The following MBTD1 variants were observed in gnomAD, a reference collection of about 807,000 sequenced individuals.
MBTD1 encodes mbt domain containing 1, also known as MBT domain-containing protein 1.
In MBTD1, 24 loss-of-function variants were observed where a neutral mutation model predicts 87.8. That is an observed-to-expected ratio of 0.27 (90% CI 0.20 to 0.38). MBTD1 has a LOEUF of 0.38. Among genes scored for constraint, MBTD1 ranks in the 10% least tolerant of loss-of-function variants. The probability of loss-of-function intolerance (pLI) is 1.00; values close to 1 mark genes in which losing one functional copy is unlikely to be tolerated. For synonymous variants in MBTD1, 237 were observed against 248.6 expected (o/e 0.95, Z 0.44); for missense variants, 436 against 760.2 (o/e 0.57, Z 5.02).
intron 6 of MBTD1, among the ~76,000 whole-genome samples, chr17:51,214,133 T>TACACAC (rs1442661837): frequency 8.4e-6 from 1 of 119,532 alleles, no homozygotes; most frequent in East Asian, 2.8e-4. Context: ...TATATACACA[T>TACACAC]ACACATACAC....
At chr17:51,210,179 T>C (rs1400895364) in intron 6 of MBTD1, among the ~76,000 whole-genome samples, 1 of 151,980 alleles carries the variant, frequency 6.6e-6, no homozygotes, top group South Asian at 2.1e-4. Context: ...TTTTTGTATT[T>C]TTAGTTTTGC....
At chr17:51,212,808 G>A (rs1038077803) in intron 6 of MBTD1, among the ~76,000 whole-genome samples, 2 of 152,154 alleles carry the variant, frequency 1.3e-5, no homozygotes, top group Admixed American at 6.5e-5. Context: ...TTAGGCTAGA[G>A]TGCAGTGGCG....
At chr17:51,244,825 T>A (rs1046022502) in intron 2 of MBTD1, among the ~76,000 whole-genome samples, 29 of 152,190 alleles carry the variant, frequency 1.9e-4, no homozygotes, top group African/African-American at 7.0e-4. Context: ...AAATCAATAA[T>A]TTTTCCAAGG....
chr17:51,200,587 C>T (rs908509625), intron 12 of MBTD1, among the ~76,000 whole-genome samples: 5 of 138,550 alleles, frequency 3.6e-5, no homozygotes, highest in East Asian at 4.3e-4. Flanking sequence ...AAAAATGCCA[C>T]GTACGGTGGC....
rs185525503 is a variant in MBTD1 at position 51,198,965 on chromosome 17, G to C, written c.1224+2627C>G. 2.4e-4 allele frequency among the ~76,000 whole-genome samples: 37 copies of C among 152,156 alleles called. 1 individual carries two copies. In the East Asian group the frequency reaches 7.1e-3, roughly 29 times the overall value. On this transcript the variant is annotated intron_variant, in intron 12 of 16. Coordinates refer to ENST00000586178, the MANE Select transcript of MBTD1 (RefSeq NM_017643.3). The stretch of plus-strand genomic sequence containing the variant: ...TTATAGGTACACACCACCACACCTG[G>C]CTAATTTTTGTATGGAGATGGGGTT...
intron 16 of MBTD1, among the ~76,000 whole-genome samples, chr17:51,187,764 G>A (rs568168621): frequency 1.3e-5 from 2 of 151,430 alleles, no homozygotes; most frequent in South Asian, 2.1e-4. Flanking sequence ...CAGGAGAATC[G>A]CTTGAATCCG....
Position 51,194,390 on chromosome 17 carries a change from C to T in MBTD1, c.1372+824G>A, listed in dbSNP as rs540770523. Reference sequence around the variant, plus strand: ...TTCGTGATGAGCCTGGCCTACATGGCGAAACCCTGTCTCTACTAAAAATAG... The same window carrying T: ...TTCGTGATGAGCCTGGCCTACATGGTGAAACCCTGTCTCTACTAAAAATAG... On this transcript the variant is annotated intron_variant, in intron 13 of 16. Coordinates refer to ENST00000586178, the MANE Select transcript of MBTD1 (RefSeq NM_017643.3). 1.9e-3 allele frequency among the ~76,000 whole-genome samples: 291 copies of T among 151,502 alleles called. 3 individuals carry two copies. Among genetic ancestry groups the T allele is most frequent in the African/African-American group, 6.8e-3 (279 of 41,296 alleles).
At position 51,177,773 on chromosome 17, in the gene MBTD1, C is replaced by G. The variant is rs948252798; in HGVS notation, c.*2803G>C. On this transcript the variant is annotated 3_prime_UTR_variant, in exon 17 of 17. Transcript: ENST00000586178. Reference sequence around the variant, plus strand: ...CAAAAGATTTGCCCAGGGACAGATGCTTTTCTTTTGTATAAATGACTGTGG... The same window carrying G: ...CAAAAGATTTGCCCAGGGACAGATGGTTTTCTTTTGTATAAATGACTGTGG... The G allele has an allele frequency of 2.0e-5, 3 of 152,134 alleles. No individual in the cohort carries two copies. Among genetic ancestry groups the G allele is most frequent in the African/African-American group, 7.2e-5 (3 of 41,440 alleles). 9.4% of individuals were successfully genotyped at this position (152,134 alleles called of 1,614,324 possible).
At chr17:51,231,872 A>G (rs2286760) in intron 2 of MBTD1, among the ~76,000 whole-genome samples, 9,776 of 146,158 alleles carry the variant, frequency 0.067, 555 homozygotes, top group African/African-American at 0.16. Flanking sequence ...TTTTTTTTTT[A>G]TATATACATT....
rs771790728 is a variant in MBTD1, at chr17:51,195,280, T to C, written c.1306A>G (p.Thr436Ala). Reference protein sequence around the residue: ...DGSDWFCYHATSPSIFPVGFC... With the variant: ...DGSDWFCYHAASPSIFPVGFC... ...CCGACAGGGAAAATAGAAGGAGAGG[T>C]TGCATGGTAACAGAACCAGTCAGAT... Residue 436 changes from threonine (T) to alanine (A), a missense_variant, in exon 13 of 17, where the codon ACC (threonine) becomes GCC (alanine). This residue lies in a region of MBTD1 where 268 missense variants were observed against 401.8 expected (regional missense o/e 0.67). Coordinates refer to ENST00000586178, the MANE Select transcript of MBTD1 (RefSeq NM_017643.3). 5.6e-6 allele frequency: 9 copies of C among 1,613,282 alleles called. No homozygotes were observed. The highest frequency in any genetic ancestry group is 1.7e-4 in the Middle Eastern group (1 of 6,060).
intron 6 of MBTD1, among the ~76,000 whole-genome samples, chr17:51,208,127 G>C (rs2051955788): frequency 6.6e-6 from 1 of 152,200 alleles, no homozygotes; most frequent in Non-Finnish European, 1.5e-5. Flanking sequence ...CACCCAACAG[G>C]AGGATTAGCC....
Position 51,201,706 on chromosome 17 carries a change from T to C in MBTD1, c.1120-10A>G, listed in dbSNP as rs1460329763. Reference sequence around the variant, plus strand: ...GGTCTACTTCTTTTACCTAAAGAATTATATGAAAGCACATCTACTGTTACA... The same window carrying C: ...GGTCTACTTCTTTTACCTAAAGAATCATATGAAAGCACATCTACTGTTACA... On this transcript the variant is annotated splice_polypyrimidine_tract_variant and intron_variant, in intron 11 of 16. Transcript: ENST00000586178. 1 of 1,486,842 alleles carries C rather than the reference T, an allele frequency of 6.7e-7. No homozygotes were observed. The highest frequency in any genetic ancestry group is 2.3e-5 in the East Asian group (1 of 44,146). The allele number at this position is 1,486,842 out of a possible 1,614,324, so 92.1% of individuals were successfully genotyped here. A position where few individuals can be genotyped will look rare whatever the true frequency, so the allele number is the denominator to read the frequency against.
intron 1 of MBTD1, 98 bp downstream of exon 1, chr17:51,259,737 G>T: frequency 8.8e-7 from 1 of 1,133,930 alleles, no homozygotes; most frequent in Non-Finnish European, 1.1e-6. Context: ...AAGCAGGCCA[G>T]GGAGCGGGGT....
chr17:51,240,512 T>G (rs1181849980), intron 2 of MBTD1, among the ~76,000 whole-genome samples: 1 of 152,208 alleles, frequency 6.6e-6, no homozygotes, highest in Non-Finnish European at 1.5e-5. Context: ...ATTTGTCTGA[T>G]AGTTTCTTCA....
At chr17:51,201,788 C>T (rs569754275) in intron 11 of MBTD1, 92 bp from the exon 12 acceptor site, 1 of 869,732 alleles carries the variant, frequency 1.1e-6, no homozygotes, top group African/African-American at 1.7e-5. Context: ...TACCAGGTGC[C>T]TTCTCCTACC....
chr17:51,197,386 G>T (rs1469357243), intron 12 of MBTD1, among the ~76,000 whole-genome samples: 3 of 151,698 alleles, frequency 2.0e-5, no homozygotes, highest in Non-Finnish European at 2.9e-5. Flanking sequence ...AGTTTTACTT[G>T]TTGAATTTTT....
In MBTD1 at chr17:51,188,957, C is replaced by T. The variant is rs537284200; in HGVS notation, c.1768+3246G>A. ...ATTTTTAGTAGAGACGGGGTTTCTC[C>T]ATGTTGGTCAGGCTGGTCTCGAACT... On this transcript the variant is annotated intron_variant, in intron 16 of 16. Coordinates refer to ENST00000586178, the MANE Select transcript of MBTD1 (RefSeq NM_017643.3). 2.0e-5 allele frequency among the ~76,000 whole-genome samples: 3 copies of T among 152,048 alleles called. No homozygotes were observed. The South Asian group carries it at 6.2e-4, about 32-fold the overall frequency.
chr17:51,225,352 C>CT (rs1249424695), intron 2 of MBTD1, 143 bp from the exon 3 acceptor site: 32 of 416,036 alleles, frequency 7.7e-5, no homozygotes, highest in East Asian at 2.8e-4. Context: ...TTTTTTTTTT[C>CT]TTTTTTTAAA....
chr17:51,239,437 C>T (rs1157869248), intron 2 of MBTD1, among the ~76,000 whole-genome samples: 1 of 152,086 alleles, frequency 6.6e-6, no homozygotes, highest in Non-Finnish European at 1.5e-5. Context: ...AACATCTAGA[C>T]AACCTTTATC....
Sources: allele counts gnomAD v4.1 joint callset (sites outside exome capture counted in the v4.1 genomes callset), GRCh38; gene constraint gnomAD v4.1.1; regional missense constraint gnomAD v4.1.1; transcripts MANE v1.5; gene names NCBI Gene and HGNC (gene_info 2026-07-23, HGNC 2026-07-21).